Variants in SNAP25 observed in about 807,000 individuals in gnomAD.
SNAP25 encodes synaptosome associated protein 25, also known as synaptosomal-associated protein 25.
Under a neutral mutation model 28.7 loss-of-function variants are expected in SNAP25, and 3 were observed. The ratio of observed to expected loss-of-function variants is 0.10; its 90% CI spans 0.05 to 0.27. The LOEUF is 0.27. Ranked by LOEUF, SNAP25 falls within the 10% of genes least tolerant of loss-of-function variation. SNAP25 has a pLI of 1.00. For synonymous variants in SNAP25, 61 were observed against 88.1 expected, an observed-to-expected ratio of 0.69 and a Z score of 1.72; for missense variants, 117 against 278.7, an observed-to-expected ratio of 0.42 and a Z score of 4.13.
intron 1 of SNAP25, among the ~76,000 whole-genome samples, chr20:10,255,144 A>C (rs143124394): frequency 1.6e-4 from 24 of 152,310 alleles, no homozygotes; most frequent in African/African-American, 5.8e-4. Context: ...GAGTTTGCCA[A>C]ATCCCAGGGT....
At chr20:10,272,866 G>A (rs1004594193) in intron 1 of SNAP25, among the ~76,000 whole-genome samples, 6 of 152,092 alleles carry the variant, frequency 3.9e-5, no homozygotes, top group African/African-American at 1.4e-4. Context: ...TGCTTTGCCC[G>A]GCAATCACTG....
chr20:10,285,156 G>A (rs542620852), intron 4 of SNAP25, among the ~76,000 whole-genome samples: 62 of 152,134 alleles, frequency 4.1e-4, no homozygotes, highest in Non-Finnish European at 6.9e-4. Context: ...TAGAATGAGC[G>A]TATGGCATAT....
At chr20:10,255,922 T>C (rs1033432917) in intron 1 of SNAP25, among the ~76,000 whole-genome samples, 1 of 129,124 alleles carries the variant, frequency 7.7e-6, no homozygotes, top group Non-Finnish European at 1.8e-5. Flanking sequence ...TCAGAACTGG[T>C]AATAAATCAA....
intron 1 of SNAP25, among the ~76,000 whole-genome samples, chr20:10,246,859 G>A (rs1303080893): frequency 6.6e-6 from 1 of 152,148 alleles, no homozygotes; most frequent in Non-Finnish European, 1.5e-5. Flanking sequence ...TTGTGTCCAG[G>A]CACTGTCCTG....
intron 1 of SNAP25, among the ~76,000 whole-genome samples, chr20:10,245,065 A>G (rs1456859126): frequency 6.6e-6 from 1 of 152,064 alleles, no homozygotes; most frequent in East Asian, 1.9e-4. Flanking sequence ...CATATGCCAG[A>G]CAGGAGAGAG....
Position 10,296,767 on chromosome 20 carries a change from C to T in SNAP25, c.282-158C>T, listed in dbSNP as rs532275807. 4.0e-5 allele frequency: 41 copies of T among 1,017,980 alleles called. No individual in the cohort carries two copies. In the South Asian group the frequency reaches 6.7e-4, roughly 17 times the overall value. The allele number at this position is 1,017,980 out of a possible 1,614,324, so 63.1% of individuals were successfully genotyped here. A position where few individuals can be genotyped will look rare whatever the true frequency, so the allele number is the denominator to read the frequency against. On this transcript the variant is annotated intron_variant, in intron 5 of 7. Transcript: ENST00000254976. Reference sequence around the variant, plus strand: ...TTGAGTAGCTGAGGCATGGTGGTGGCCAACTGTTTGGGTCTGGATTATGAT... The same window carrying T: ...TTGAGTAGCTGAGGCATGGTGGTGGTCAACTGTTTGGGTCTGGATTATGAT...
At chr20:10,287,462 C>G (rs1462642544) in intron 4 of SNAP25, among the ~76,000 whole-genome samples, 1 of 150,572 alleles carries the variant, frequency 6.6e-6, no homozygotes, top group Non-Finnish European at 1.5e-5. Flanking sequence ...CAATGAGATA[C>G]CATCTCACAC....
At chr20:10,236,338 G>A (rs903995431) in intron 1 of SNAP25, among the ~76,000 whole-genome samples, 3 of 152,072 alleles carry the variant, frequency 2.0e-5, no homozygotes, top group African/African-American at 7.2e-5. Flanking sequence ...AAGTCAAAGG[G>A]GAAATTTTCT....
At chr20:10,230,614 A>G (rs1426488483) in intron 1 of SNAP25, among the ~76,000 whole-genome samples, 4 of 152,128 alleles carry the variant, frequency 2.6e-5, no homozygotes, top group Non-Finnish European at 5.9e-5. Context: ...AATCATCTCC[A>G]GGTGATTCTG....
chr20:10,289,711 G>C (rs2063958631), intron 4 of SNAP25, among the ~76,000 whole-genome samples: 1 of 147,826 alleles, frequency 6.8e-6, no homozygotes, highest in Non-Finnish European at 1.5e-5. Context: ...CATGAAGGCT[G>C]CATACTAGAT....
chr20:10,304,912 G>C (rs187812570), intron 7 of SNAP25, among the ~76,000 whole-genome samples: 20 of 152,118 alleles, frequency 1.3e-4, no homozygotes, highest in Non-Finnish European at 1.5e-4. Context: ...AATAATAGGA[G>C]GTGGCTATGA....
chr20:10,226,437 T>C (rs1472528954), intron 1 of SNAP25, among the ~76,000 whole-genome samples: 1 of 152,160 alleles, frequency 6.6e-6, no homozygotes, highest in East Asian at 1.9e-4. Flanking sequence ...AATTAATCCA[T>C]TGAACAAATA....
intron 1 of SNAP25, among the ~76,000 whole-genome samples, chr20:10,241,677 G>A (rs932486759): frequency 1.3e-5 from 2 of 152,106 alleles, no homozygotes; most frequent in African/African-American, 4.8e-5. Context: ...ATGAGATGGT[G>A]TGATCAGGTG....
chr20:10,294,464 C>CA (rs2064064153), intron 5 of SNAP25, among the ~76,000 whole-genome samples: 1 of 151,786 alleles, frequency 6.6e-6, no homozygotes, highest in Non-Finnish European at 1.5e-5. Flanking sequence ...CCATTTTTAG[C>CA]AAAAAAGAAA....
Position 10,293,364 on chromosome 20 carries a change from G to A in SNAP25, c.281+86G>A. ...AAGCTCATTCCTGCCAAGCTCATAG[G>A]CAGGATGAGCATGTGGCATGCAGAA... is the stretch of plus-strand genomic sequence containing the variant. On this transcript the variant is annotated intron_variant, in intron 5 of 7. Transcript: ENST00000254976. This position sits in a 1 kb window ranked among gnomAD's most constrained non-coding sequence, Gnocchi z 5.6. 1.0e-6 allele frequency: 1 copy of A among 954,974 alleles called. No individual in the cohort carries two copies. Among genetic ancestry groups the A allele is most frequent in the Non-Finnish European group, 1.7e-6 (1 of 589,956 alleles). The allele number at this position is 954,974 out of a possible 1,614,324, so 59.2% of individuals were successfully genotyped here.
chr20:10,260,700 C>CACACACACACACAA (rs2063396327), intron 1 of SNAP25, among the ~76,000 whole-genome samples: 1 of 146,784 alleles, frequency 6.8e-6, no homozygotes, highest in Admixed American at 6.7e-5. Context: ...CACACACACA[C>CACACACACACACAA]ACACACACAC....
Position 10,307,225 on chromosome 20 carries a change from A to G in SNAP25, c.*1028A>G, listed in dbSNP as rs903153996. The G allele has an allele frequency of 6.6e-6, 1 of 152,654 alleles. No individual in the cohort carries two copies. The highest frequency in any genetic ancestry group is 1.5e-5 in the Non-Finnish European group (1 of 68,042). The allele number at this position is 152,654 out of a possible 1,614,324, so 9.5% of individuals were successfully genotyped here. On this transcript the variant is annotated 3_prime_UTR_variant, in exon 8 of 8. Transcript: ENST00000254976. ...TTTGTTGCTTAATCTAGAGCTATGCACACCAAATTGCTGAGATGTTTAGTA... is the reference window on the plus strand; with the variant it reads ...TTTGTTGCTTAATCTAGAGCTATGCGCACCAAATTGCTGAGATGTTTAGTA...
intron 1 of SNAP25, among the ~76,000 whole-genome samples, chr20:10,244,811 A>T (rs1305816143): frequency 6.7e-6 from 1 of 150,348 alleles, no homozygotes; most frequent in Non-Finnish European, 1.5e-5. Context: ...GTTCCCTGCA[A>T]CCTCCACCTC....
intron 7 of SNAP25, among the ~76,000 whole-genome samples, chr20:10,302,286 A>G (rs2123180287): frequency 6.6e-6 from 1 of 152,314 alleles, no homozygotes; most frequent in Admixed American, 6.5e-5. Context: ...TGACAGGCAC[A>G]CGTTGGAATA....
Sources: allele counts gnomAD v4.1 joint callset (sites outside exome capture counted in the v4.1 genomes callset), GRCh38; gene constraint gnomAD v4.1.1; non-coding constraint Gnocchi (gnomAD v3.1); transcripts MANE v1.5; gene names NCBI Gene and HGNC (gene_info 2026-07-23, HGNC 2026-07-21).